MTUS2: variants seen among roughly 807,000 people sequenced by gnomAD.
The protein encoded by MTUS2 is microtubule-associated tumor suppressor candidate 2.
MTUS2 carries 40 observed loss-of-function variants against 114.1 expected under a neutral mutation model. The observed-to-expected ratio is 0.35, with a 90% CI of 0.27 to 0.46. The LOEUF is 0.46. Among genes scored for constraint, MTUS2 ranks in the 20% least tolerant of loss-of-function variants. The pLI is 1.00. For synonymous variants in MTUS2, 688 were observed against 672.0 expected (o/e 1.02, Z -0.37); for missense variants, 1,679 against 1,705.4 (o/e 0.98, Z 0.27).
chr13:29,325,714 T>C (rs578225896), intron 7 of MTUS2, among the ~76,000 whole-genome samples: 29 of 152,220 alleles, frequency 1.9e-4, no homozygotes, highest in Non-Finnish European at 3.1e-4. Flanking sequence ...GTTTGAGCTC[T>C]AACTGCATGC....
Position 29,503,509 on chromosome 13 carries a change from TCA to T in MTUS2, c.*304_*305del, listed in dbSNP as rs2139034641. On this transcript the variant is annotated 3_prime_UTR_variant, in exon 16 of 16. Transcript: ENST00000612955. ...GAATTTCAGGTTAGTTACAAAAAGC[TCA>T]GTTTTCAATATACATTGAATAATCA... 3.8e-6 allele frequency: 2 copies of T among 523,372 alleles called. No individual in the cohort carries two copies. Among genetic ancestry groups the T allele is most frequent in the East Asian group, 3.3e-5 (1 of 30,660 alleles). The allele number at this position is 523,372 out of a possible 1,614,324, so 32.4% of individuals were successfully genotyped here.
At chr13:29,364,270 G>C (rs906440233) in intron 8 of MTUS2, among the ~76,000 whole-genome samples, 3 of 152,182 alleles carry the variant, frequency 2.0e-5, no homozygotes, top group African/African-American at 7.2e-5. Context: ...TGGAAGAGCA[G>C]GATGGAGAGA....
At chr13:29,320,679 G>GT (rs1388955080) in intron 6 of MTUS2, among the ~76,000 whole-genome samples, 1 of 152,250 alleles carries the variant, frequency 6.6e-6, no homozygotes, top group African/African-American at 2.4e-5. Flanking sequence ...GGTTTTAACA[G>GT]TAAAATCATG....
chr13:29,039,435 G>T (rs74041711), intron 4 of MTUS2, among the ~76,000 whole-genome samples: 1 of 152,184 alleles, frequency 6.6e-6, no homozygotes, highest in Non-Finnish European at 1.5e-5. Flanking sequence ...GGGCTAGGCC[G>T]GCGCGTCACG....
At chr13:29,299,225 T>C (rs559478481) in intron 6 of MTUS2, among the ~76,000 whole-genome samples, 9 of 152,282 alleles carry the variant, frequency 5.9e-5, no homozygotes, top group Admixed American at 2.6e-4. Context: ...GTGCATGTCT[T>C]AGATGGTCTG....
intron 8 of MTUS2, among the ~76,000 whole-genome samples, chr13:29,380,777 G>A (rs1162972020): frequency 1.6e-5 from 1 of 62,398 alleles, no homozygotes; most frequent in African/African-American, 3.5e-5. Context: ...TTAGCCGGGC[G>A]CGGTGGCGGG....
At chr13:28,960,659 A>G (rs1883286448) in intron 2 of MTUS2, among the ~76,000 whole-genome samples, 3 of 152,248 alleles carry the variant, frequency 2.0e-5, no homozygotes, top group Admixed American at 6.5e-5. Context: ...AGGCAAATCT[A>G]TAAAGACAGA....
chr13:29,165,497 G>T (rs900329025), intron 5 of MTUS2, among the ~76,000 whole-genome samples: 2 of 152,166 alleles, frequency 1.3e-5, no homozygotes, highest in African/African-American at 2.4e-5. Flanking sequence ...TGCTTATCAT[G>T]ATATCTGCTG....
At chr13:29,314,797 A>G (rs542914509) in intron 6 of MTUS2, among the ~76,000 whole-genome samples, 3 of 152,302 alleles carry the variant, frequency 2.0e-5, no homozygotes, top group African/African-American at 7.2e-5. Context: ...GTTTTCTACC[A>G]TATGATCTAG....
At chr13:29,078,062 G>A (rs1337583301) in intron 4 of MTUS2, among the ~76,000 whole-genome samples, 1 of 152,092 alleles carries the variant, frequency 6.6e-6, no homozygotes, top group Non-Finnish European at 1.5e-5. Context: ...TTCAGCAGCA[G>A]CACAATCTTT....
chr13:29,384,179 C>T (rs926262331), intron 8 of MTUS2, among the ~76,000 whole-genome samples: 5 of 152,304 alleles, frequency 3.3e-5, no homozygotes, highest in Middle Eastern at 3.4e-3. Flanking sequence ...GGAAATATTA[C>T]AGCCAAAAGA....
In MTUS2 at chr13:29,503,352, C is replaced by A; in HGVS notation, c.*146C>A. ...CCTAGGCGCGTCCTCCTCTGATCCC[C>A]GTGTAAGACTGCCCTGGTGTCGGCA... On this transcript the variant is annotated 3_prime_UTR_variant, in exon 16 of 16. Coordinates refer to ENST00000612955, the MANE Select transcript of MTUS2 (RefSeq NM_001033602.4). 1 of 810,922 alleles carries A rather than the reference C, an allele frequency of 1.2e-6. No individual in the cohort carries two copies. Among genetic ancestry groups the A allele is most frequent in the South Asian group, 1.7e-5 (1 of 58,890 alleles). The allele number at this position is 810,922 out of a possible 1,614,324, so 50.2% of individuals were successfully genotyped here. A position where few individuals can be genotyped will look rare whatever the true frequency, so the allele number is the denominator to read the frequency against.
chr13:29,436,451 G>A (rs752171578), intron 8 of MTUS2, among the ~76,000 whole-genome samples: 6 of 152,228 alleles, frequency 3.9e-5, no homozygotes, highest in Non-Finnish European at 5.9e-5. Flanking sequence ...ATTGTGCCTG[G>A]ACTACAGAGA....
chr13:28,852,400 C>G (rs1383297108), intron 2 of MTUS2, among the ~76,000 whole-genome samples: 1 of 152,004 alleles, frequency 6.6e-6, no homozygotes, highest in Non-Finnish European at 1.5e-5. Flanking sequence ...CATTAAATAT[C>G]TGTTAGAAAA....
chr13:29,448,238 C>G lies in MTUS2; in HGVS notation c.3184+8189C>G, dbSNP rs141835067. Among the ~76,000 whole-genome samples the G allele has an allele frequency of 4.3e-3, 653 of 152,242 alleles. 6 individuals carry two copies. The highest frequency in any genetic ancestry group is 0.015 in the African/African-American group (622 of 41,562). On this transcript the variant is annotated intron_variant, in intron 9 of 15. Coordinates refer to ENST00000612955, the MANE Select transcript of MTUS2 (RefSeq NM_001033602.4). ...ATACAATGGAGCCTTCTGGCTGGCA[C>G]CCCTAGCTAACCCTGCTGCCCTGCC... is the stretch of plus-strand genomic sequence containing the variant.
At chr13:29,163,663 A>T (rs1893193414) in intron 5 of MTUS2, among the ~76,000 whole-genome samples, 1 of 152,052 alleles carries the variant, frequency 6.6e-6, no homozygotes, top group Non-Finnish European at 1.5e-5. Context: ...GTTTGACTTC[A>T]TTTCAGTCCC....
intron 4 of MTUS2, among the ~76,000 whole-genome samples, chr13:29,093,081 G>A (rs995087617): frequency 6.6e-6 from 1 of 152,130 alleles, no homozygotes; most frequent in African/African-American, 2.4e-5. Flanking sequence ...CCGATATGGG[G>A]CCAAAGGAGT....
chr13:28,905,829 C>G (rs58089500), intron 2 of MTUS2, among the ~76,000 whole-genome samples: 20,281 of 151,198 alleles, frequency 0.13, 1,974 homozygotes, highest in African/African-American at 0.21. Flanking sequence ...AGAAGGAATG[C>G]TAGCAGCTCC....
intron 5 of MTUS2, among the ~76,000 whole-genome samples, chr13:29,188,516 A>G (rs142998476): frequency 0.012 from 1,801 of 152,300 alleles, 18 homozygotes; most frequent in Middle Eastern, 0.031. Context: ...TGTTTTAAAC[A>G]TAGTTTAAAT....
Sources: gnomAD v4.1 joint callset for allele counts (sites outside exome capture counted in the v4.1 genomes callset) on GRCh38, gnomAD v4.1.1 for gene constraint, MANE v1.5 for transcripts, NCBI Gene and HGNC (gene_info 2026-07-23, HGNC 2026-07-21) for gene names.